The following CCDC88C variants were observed in gnomAD, a reference collection of about 807,000 sequenced individuals.
CCDC88C encodes the protein protein Daple.
In CCDC88C, 131 loss-of-function variants were observed where a neutral mutation model predicts 198.8. The observed-to-expected ratio is 0.66, with a 90% CI of 0.57 to 0.76. CCDC88C has a LOEUF of 0.76. Among genes scored for constraint, CCDC88C ranks in the 30% least tolerant of loss-of-function variants. The pLI is 0.00. For missense variants in CCDC88C, 2,553 were observed against 2,631.6 expected (o/e 0.97, Z 0.65); for synonymous variants, 1,166 against 1,114.7 (o/e 1.05, Z -0.92).
At chr14:91,289,466 G>C in intron 24 of CCDC88C, 123 bp from the exon 25 acceptor site, 1 of 835,230 alleles carries the variant, frequency 1.2e-6, no homozygotes, top group Non-Finnish European at 2.1e-6. Context: ...ACTCACGTGG[G>C]GTTCAGGACA....
At position 91,278,021 on chromosome 14, in the gene CCDC88C, AGGGGCT is replaced by A. The variant is rs1392762817; in HGVS notation, c.4953_4958del (p.Ala1652_Pro1653del). On this transcript the variant is annotated inframe_deletion, in exon 29 of 30. Transcript: ENST00000389857. ...AGCAGGGCCGCACTCCGACGTAGGG[AGGGGCT>A]GTGCCCCTCTTCTGGGCACCCTCCT... 2.5e-6 allele frequency: 4 copies of A among 1,600,346 alleles called. No homozygotes were observed. Among genetic ancestry groups the A allele is most frequent in the Non-Finnish European group, 3.4e-6 (4 of 1,173,488 alleles).
intron 27 of CCDC88C, among the ~76,000 whole-genome samples, chr14:91,280,139 C>G (rs187882289): frequency 1.3e-5 from 2 of 152,348 alleles, no homozygotes; most frequent in Non-Finnish European, 2.9e-5. Context: ...CATGTCTACG[C>G]TGCTGTGCTA....
In CCDC88C at chr14:91,388,080, C is replaced by T. The variant is rs141574545; in HGVS notation, c.270+20579G>A. On this transcript the variant is annotated intron_variant, in intron 3 of 29. Transcript: ENST00000389857. ...CAAGCTTGAACATTCCACTGCTGAG[C>T]GAAGCCACACACCATCAGGACTTGC... Among the ~76,000 whole-genome samples the T allele has an allele frequency of 4.6e-5, 7 of 152,276 alleles. No individual in the cohort carries two copies. The East Asian group carries it at 7.7e-4, about 17-fold the overall frequency.
rs757507757 is a variant in CCDC88C, at chr14:91,283,299, C to T, written c.4630+30G>A. ...TTCAGGAAGGACACTAGGCCCGACG[C>T]TCATGGCTCTGGAAGGGCCTGTGAC... On this transcript the variant is annotated intron_variant, in intron 26 of 29. Coordinates refer to ENST00000389857, the MANE Select transcript of CCDC88C (RefSeq NM_001080414.4). The T allele has an allele frequency of 1.4e-5, 23 of 1,606,604 alleles. 1 individual carries two copies. Among genetic ancestry groups the T allele is most frequent in the South Asian group, 1.0e-4 (9 of 89,760 alleles).
At position 91,342,444 on chromosome 14, in the gene CCDC88C, A is replaced by T; in HGVS notation, c.419T>A (p.Phe140Tyr). The T allele has an allele frequency of 6.3e-7, 1 of 1,594,154 alleles. No homozygotes were observed. Among genetic ancestry groups the T allele is most frequent in the Non-Finnish European group, 8.5e-7 (1 of 1,169,924 alleles). The change falls in exon 6 of 30, where the codon TTC becomes TAC. Residue 140 changes from phenylalanine to tyrosine, a missense_variant. Phe to Tyr is a conservative substitution (Grantham distance 22, BLOSUM62 3). Around this residue, in one of 2 missense-constraint regions of CCDC88C, gnomAD observed 1,260 missense variants for 1,412.0 expected, o/e 0.89. Transcript: ENST00000389857. ...CAVQCERKEEFIERIKQLDIE... is the reference protein window; with the variant it reads ...CAVQCERKEEYIERIKQLDIE... ...GTCCAGCTGTTTGATTCTTTCAATG[A>T]ACTCCTCTTTCCTCTCACACTGCGG...
In CCDC88C at chr14:91,417,816, A is replaced by C; in HGVS notation, c.-126T>G. 2 of 434,070 alleles carry C rather than the reference A, an allele frequency of 4.6e-6. No homozygotes were observed. Among genetic ancestry groups the C allele is most frequent in the South Asian group, 1.0e-4 (1 of 9,586 alleles). 26.9% of individuals were successfully genotyped at this position (434,070 alleles called of 1,614,324 possible). A position where few individuals can be genotyped will look rare whatever the true frequency, so the allele number is the denominator to read the frequency against. On this transcript the variant is annotated 5_prime_UTR_variant, in exon 1 of 30. Coordinates refer to ENST00000389857, the MANE Select transcript of CCDC88C (RefSeq NM_001080414.4). Reference sequence around the variant, plus strand: ...TGCGGCGGCTCGCGCCCGGGAGACAAAGGCGGGGCGCGCGAGCCCACGTTC... The same window carrying C: ...TGCGGCGGCTCGCGCCCGGGAGACACAGGCGGGGCGCGCGAGCCCACGTTC...
chr14:91,291,164 A>G, intron 23 of CCDC88C, 80 bp from the exon 24 acceptor site: 1 of 792,022 alleles, frequency 1.3e-6, no homozygotes, highest in Middle Eastern at 3.2e-4. Context: ...CCAGCCTGGA[A>G]CCTGGTGTAC....
chr14:91,403,468 C>G (rs559978225), intron 3 of CCDC88C, among the ~76,000 whole-genome samples: 125 of 152,358 alleles, frequency 8.2e-4, no homozygotes, highest in African/African-American at 2.8e-3. Flanking sequence ...ATGCCAGGCA[C>G]AACCCCAGAG....
chr14:91,286,229 A>G (rs1890404735), intron 25 of CCDC88C, among the ~76,000 whole-genome samples: 1 of 152,216 alleles, frequency 6.6e-6, no homozygotes, highest in African/African-American at 2.4e-5. Context: ...GGTCCCTAAC[A>G]GCTCAGCTCA....
chr14:91,301,635 T>C (rs1296198533), intron 20 of CCDC88C, among the ~76,000 whole-genome samples: 3 of 152,204 alleles, frequency 2.0e-5, no homozygotes, highest in Admixed American at 6.5e-5. Flanking sequence ...GAGGATTGCT[T>C]GAAGCCGGGA....
chr14:91,393,838 A>G (rs993649711), intron 3 of CCDC88C, among the ~76,000 whole-genome samples: 1 of 152,226 alleles, frequency 6.6e-6, no homozygotes, highest in Non-Finnish European at 1.5e-5. Flanking sequence ...TGGGCGACAG[A>G]GCGAGACTCC....
At position 91,359,635 on chromosome 14, in the gene CCDC88C, C is replaced by T. The variant is rs369852603; in HGVS notation, c.340+7G>A. 1.8e-5 allele frequency: 29 copies of T among 1,603,012 alleles called. No homozygotes were observed. The African/African-American group carries it at 3.2e-4, about 18-fold the overall frequency. On this transcript the variant is annotated splice_region_variant and intron_variant, in intron 4 of 29. Coordinates refer to ENST00000389857, the MANE Select transcript of CCDC88C (RefSeq NM_001080414.4). ...CCACAGGGGAGAAGGGAGCGGCTTT[C>T]ACTCACCAGACAGTGGGTCTCTGCC...
chr14:91,388,641 C>A (rs569751100), intron 3 of CCDC88C, among the ~76,000 whole-genome samples: 33 of 152,312 alleles, frequency 2.2e-4, no homozygotes, highest in African/African-American at 7.7e-4. Flanking sequence ...ACACACACAG[C>A]GAGCTGTCAG....
intron 27 of CCDC88C, 200 bp downstream of exon 27, chr14:91,281,232 CCAGAACTGTGATGCTTGGGAGGTAG>C: frequency 8.3e-7 from 1 of 1,205,480 alleles, no homozygotes. Flanking sequence ...GTCGGTGCTT[CCAGAACTGTGATGCTTGGGAGGTAG>C]CGAATTCCCC....
intron 21 of CCDC88C, among the ~76,000 whole-genome samples, chr14:91,299,553 G>A (rs930587919): frequency 1.3e-5 from 2 of 152,202 alleles, no homozygotes; most frequent in Admixed American, 1.3e-4. Context: ...TAAAACTTTA[G>A]CAAGTAGGTG....
chr14:91,386,415 C>T (rs1885149103), intron 3 of CCDC88C, among the ~76,000 whole-genome samples: 1 of 151,904 alleles, frequency 6.6e-6, no homozygotes, highest in South Asian at 2.1e-4. Context: ...GAGCCAAGAT[C>T]ACACCTTTGC....
At position 91,279,225 on chromosome 14, in the gene CCDC88C, G is replaced by A; in HGVS notation, c.4768+13C>T. On this transcript the variant is annotated intron_variant, in intron 28 of 29. Coordinates refer to ENST00000389857, the MANE Select transcript of CCDC88C (RefSeq NM_001080414.4). ...AATCAATTTTTAAAAGTACACAGAAGCACAAGACTTACCTTTTAGGTTAAG... is the reference window on the plus strand; with the variant it reads ...AATCAATTTTTAAAAGTACACAGAAACACAAGACTTACCTTTTAGGTTAAG... The A allele has an allele frequency of 6.3e-7, 1 of 1,579,418 alleles. No individual in the cohort carries two copies. Among genetic ancestry groups the A allele is most frequent in the Non-Finnish European group, 8.6e-7 (1 of 1,159,986 alleles).
Position 91,273,342 on chromosome 14 carries a change from A to C in CCDC88C, c.5370T>G (p.Ala1790=), listed in dbSNP as rs1889823403. 1 of 1,544,762 alleles carries C rather than the reference A, an allele frequency of 6.5e-7. No individual in the cohort carries two copies. The highest frequency in any genetic ancestry group is 8.7e-7 in the Non-Finnish European group (1 of 1,143,462). Residue 1790 remains alanine, a synonymous_variant, in exon 30 of 30, where the codon GCT becomes GCG. Transcript: ENST00000389857. The surrounding 1 kb of genome is among the most constrained non-coding windows in gnomAD (Gnocchi z 5.6). ...GRPRQAPVPP[A]SHAPASRSAS... The stretch of plus-strand genomic sequence containing the variant: ...CACTGCGGCTGGCAGGTGCATGGGA[A>C]GCTGGGGGCACCGGAGCCTGCCGGG...
At chr14:91,279,380 A>G in intron 27 of CCDC88C, 74 bp from the exon 28 acceptor site, 1 of 1,270,084 alleles carries the variant, frequency 7.9e-7, no homozygotes, top group Non-Finnish European at 1.1e-6. Flanking sequence ...TCTAAGAAAA[A>G]CGATGCAGCA....
Sources: allele counts gnomAD v4.1 joint callset (sites outside exome capture counted in the v4.1 genomes callset), GRCh38; gene constraint gnomAD v4.1.1; regional missense constraint gnomAD v4.1.1; non-coding constraint Gnocchi (gnomAD v3.1); transcripts MANE v1.5; gene names NCBI Gene and HGNC (gene_info 2026-07-23, HGNC 2026-07-21).